Variants in LEKR1 observed in about 807,000 individuals in gnomAD.
LEKR1 encodes leucine, glutamate and lysine rich 1.
Under a neutral mutation model 72.4 loss-of-function variants are expected in LEKR1, and 59 were observed. That is an observed-to-expected ratio of 0.82 (90% CI 0.66 to 1.01). LEKR1 has a LOEUF of 1.01. LEKR1 is among the 50% of genes least tolerant of loss of function. The pLI is 0.00. For missense variants in LEKR1, 728 were observed against 759.2 expected, an observed-to-expected ratio of 0.96 and a Z score of 0.48; for synonymous variants, 257 against 263.2, an observed-to-expected ratio of 0.98 and a Z score of 0.23.
At chr3:156,970,682 A>G (rs1267733023) in intron 6 of LEKR1, among the ~76,000 whole-genome samples, 1 of 152,214 alleles carries the variant, frequency 6.6e-6, no homozygotes, top group Non-Finnish European at 1.5e-5. Flanking sequence ...AATCACAAGC[A>G]TTCTTATACA....
chr3:157,037,593 C>T (rs1735054139), intron 12 of LEKR1, among the ~76,000 whole-genome samples: 1 of 152,052 alleles, frequency 6.6e-6, no homozygotes, highest in Admixed American at 6.6e-5. Flanking sequence ...TGTTTATTCC[C>T]CAAGTCTAAG....
chr3:156,984,475 G>A (rs1381396526), intron 7 of LEKR1, among the ~76,000 whole-genome samples: 5 of 152,042 alleles, frequency 3.3e-5, no homozygotes, highest in African/African-American at 4.8e-5. Context: ...TCAGGAGTTC[G>A]AGACCAGCCT....
At chr3:156,901,931 G>A (rs1191793600) in intron 3 of LEKR1, among the ~76,000 whole-genome samples, 3 of 152,092 alleles carry the variant, frequency 2.0e-5, no homozygotes, top group African/African-American at 4.8e-5. Flanking sequence ...TGATCCAAAC[G>A]CCTTGGCCTC....
At chr3:156,864,137 C>T (rs767098777) in intron 3 of LEKR1, among the ~76,000 whole-genome samples, 1 of 152,060 alleles carries the variant, frequency 6.6e-6, no homozygotes, top group African/African-American at 2.4e-5. Flanking sequence ...CATTGTCCAA[C>T]TTGATCAGTT....
intron 7 of LEKR1, among the ~76,000 whole-genome samples, chr3:156,983,129 A>G (rs1021565739): frequency 6.6e-6 from 1 of 152,220 alleles, no homozygotes; most frequent in African/African-American, 2.4e-5. Flanking sequence ...AAAGATAGAT[A>G]AATAAGCCTT....
chr3:156,924,981 T>G (rs1456078197), intron 4 of LEKR1: 1 of 152,606 alleles, frequency 6.6e-6, no homozygotes, highest in Non-Finnish European at 1.5e-5. Context: ...AGTAACCTGC[T>G]GGGATTTTGA....
In LEKR1 at chr3:156,864,299, T is replaced by C. The variant is rs539000860; in HGVS notation, c.263+11317T>C. Among the ~76,000 whole-genome samples, 233 of 152,144 alleles carry C rather than the reference T, an allele frequency of 1.5e-3. 2 individuals carry two copies. Among genetic ancestry groups the C allele is most frequent in the African/African-American group, 5.5e-3 (228 of 41,554 alleles). On this transcript the variant is annotated intron_variant, in intron 3 of 12. Transcript: ENST00000356539. ...TCCCATTTACATTATCCTTCCATCG[T>C]ATCAGCTGGAAAAACTCCTAATGTG... is the stretch of plus-strand genomic sequence containing the variant.
At chr3:157,004,435 A>G (rs1310721721) in intron 9 of LEKR1, among the ~76,000 whole-genome samples, 1 of 152,180 alleles carries the variant, frequency 6.6e-6, no homozygotes, top group African/African-American at 2.4e-5. Flanking sequence ...GACAATCAGT[A>G]GGCTATAGAA....
chr3:156,932,386 T>G (rs1415738312), intron 5 of LEKR1, among the ~76,000 whole-genome samples: 1 of 152,196 alleles, frequency 6.6e-6, no homozygotes, highest in Non-Finnish European at 1.5e-5. Context: ...ATAATTAAAT[T>G]TAGGCAAATA....
chr3:157,003,790 A>G (rs1159021219), intron 9 of LEKR1, among the ~76,000 whole-genome samples: 1 of 152,204 alleles, frequency 6.6e-6, no homozygotes, highest in African/African-American at 2.4e-5. Context: ...TAAGCTAAAA[A>G]TGTCTATTAT....
intron 12 of LEKR1, among the ~76,000 whole-genome samples, chr3:157,033,176 C>A (rs1467059000): frequency 2.0e-5 from 3 of 152,104 alleles, no homozygotes; most frequent in Admixed American, 6.6e-5. Flanking sequence ...GGCCAATTAA[C>A]AACGCTACAA....
chr3:156,969,225 G>A (rs1459916733), intron 6 of LEKR1, among the ~76,000 whole-genome samples: 6 of 152,142 alleles, frequency 3.9e-5, no homozygotes, highest in African/African-American at 7.2e-5. Flanking sequence ...AACTAGAGAA[G>A]CAAGAGCAGA....
intron 6 of LEKR1, among the ~76,000 whole-genome samples, chr3:156,954,005 T>C (rs1003493557): frequency 6.6e-6 from 1 of 151,812 alleles, no homozygotes; most frequent in Non-Finnish European, 1.5e-5. Flanking sequence ...AGCTCCTTTT[T>C]CTCACAACCT....
chr3:156,904,009 G>T (rs1560068309), intron 3 of LEKR1, among the ~76,000 whole-genome samples: 2 of 152,170 alleles, frequency 1.3e-5, no homozygotes, highest in African/African-American at 2.4e-5. Context: ...CCACAGAAAG[G>T]TAATTATATT....
At position 156,974,662 on chromosome 3, in the gene LEKR1, C is replaced by T. The variant is rs900655264; in HGVS notation, c.746-4532C>T. 2.6e-5 allele frequency among the ~76,000 whole-genome samples: 4 copies of T among 152,206 alleles called. No individual in the cohort carries two copies. In the East Asian group the frequency reaches 5.8e-4, roughly 22 times the overall value. On this transcript the variant is annotated intron_variant, in intron 6 of 12. Coordinates refer to ENST00000356539, the MANE Select transcript of LEKR1 (RefSeq NM_001004316.3). ...GGCACATAGAACAGAGTTGATTAGA[C>T]TCTGTAGTACAAAACATGCTATCAT... is the stretch of plus-strand genomic sequence containing the variant.
chr3:156,853,992 A>G (rs867333670), intron 3 of LEKR1, among the ~76,000 whole-genome samples: 20 of 152,252 alleles, frequency 1.3e-4, no homozygotes, highest in African/African-American at 4.8e-4. Context: ...AAGTAAAAGA[A>G]GTATAGAGAA....
At chr3:157,005,011 A>C (rs1315062219) in intron 9 of LEKR1, among the ~76,000 whole-genome samples, 1 of 152,038 alleles carries the variant, frequency 6.6e-6, no homozygotes, top group Admixed American at 6.5e-5. Flanking sequence ...TGTTTCTTTG[A>C]GATCAATAAA....
At chr3:157,001,341 A>G (rs984166416) in intron 9 of LEKR1, among the ~76,000 whole-genome samples, 1 of 152,166 alleles carries the variant, frequency 6.6e-6, no homozygotes, top group Non-Finnish European at 1.5e-5. Flanking sequence ...ACTTCTTTTA[A>G]CAGAGGCAGG....
intron 3 of LEKR1, among the ~76,000 whole-genome samples, chr3:156,859,438 A>G (rs935713668): frequency 1.3e-5 from 2 of 152,190 alleles, no homozygotes; most frequent in African/African-American, 4.8e-5. Flanking sequence ...TTAACAAATT[A>G]ATAAACTTTA....
Sources: allele counts gnomAD v4.1 joint callset (sites outside exome capture counted in the v4.1 genomes callset), GRCh38; gene constraint gnomAD v4.1.1; transcripts MANE v1.5; gene names NCBI Gene and HGNC (gene_info 2026-07-23, HGNC 2026-07-21).